SH3RF1: variants seen among roughly 807,000 people sequenced by gnomAD.
The protein encoded by SH3RF1 is SH3 domain containing ring finger 1, also known as E3 ubiquitin-protein ligase SH3RF1.
In SH3RF1, 32 loss-of-function variants were observed where a neutral mutation model predicts 74.0. That is an observed-to-expected ratio of 0.43 (90% CI 0.33 to 0.58). The LOEUF is 0.58. Ranked by LOEUF, SH3RF1 falls within the 20% of genes least tolerant of loss-of-function variation. SH3RF1 has a pLI of 0.05. For missense variants in SH3RF1, 954 were observed against 1,130.9 expected (o/e 0.84, Z 2.24); for synonymous variants, 396 against 439.6 (o/e 0.90, Z 1.24).
rs116349993 is a variant in SH3RF1 at position 169,211,727 on chromosome 4, G to A, written c.394-55048C>T. 2.5e-3 allele frequency among the ~76,000 whole-genome samples: 374 copies of A among 152,258 alleles called. 2 individuals carry two copies. Among genetic ancestry groups the A allele is most frequent in the Middle Eastern group, 6.8e-3 (2 of 294 alleles). ...CCTAGATACAGATGTGTGAATGTAT[G>A]TGTGTGGTTTATGGATGAAAATATT... is the stretch of plus-strand genomic sequence containing the variant. On this transcript the variant is annotated intron_variant, in intron 2 of 11. Coordinates refer to ENST00000284637, the MANE Select transcript of SH3RF1 (RefSeq NM_020870.4).
chr4:169,243,346 C>T (rs1349100796), intron 2 of SH3RF1, among the ~76,000 whole-genome samples: 1 of 152,136 alleles, frequency 6.6e-6, no homozygotes, highest in East Asian at 1.9e-4. Flanking sequence ...AACCTCGTCT[C>T]TACTAAAAAT....
intron 2 of SH3RF1, among the ~76,000 whole-genome samples, chr4:169,240,074 C>A (rs1293193429): frequency 2.0e-5 from 3 of 152,142 alleles, no homozygotes; most frequent in African/African-American, 7.2e-5. Flanking sequence ...AGCACAAACA[C>A]TCCAACTGCA....
chr4:169,169,603 TA>T (rs200436648), intron 2 of SH3RF1, among the ~76,000 whole-genome samples: 3 of 149,840 alleles, frequency 2.0e-5, no homozygotes, highest in African/African-American at 4.9e-5. Flanking sequence ...TTTCAAAAAA[TA>T]AAAAAAAATA....
At chr4:169,135,667 T>C (rs1389112167) in intron 5 of SH3RF1, among the ~76,000 whole-genome samples, 1 of 152,162 alleles carries the variant, frequency 6.6e-6, no homozygotes, top group Non-Finnish European at 1.5e-5. Flanking sequence ...AGTAAAGTGC[T>C]CAATAAATGT....
chr4:169,186,932 C>T (rs1399945608), intron 2 of SH3RF1, among the ~76,000 whole-genome samples: 19 of 148,912 alleles, frequency 1.3e-4, no homozygotes, highest in East Asian at 4.0e-4. Flanking sequence ...GAGAATGGTG[C>T]GAAGCCAGGA....
intron 2 of SH3RF1, among the ~76,000 whole-genome samples, chr4:169,165,099 G>A (rs1262799868): frequency 6.6e-6 from 1 of 152,170 alleles, no homozygotes; most frequent in East Asian, 1.9e-4. Flanking sequence ...AGTAACTTGA[G>A]TTACCATCTT....
chr4:169,099,325 G>A (rs191242269), intron 11 of SH3RF1, among the ~76,000 whole-genome samples: 21 of 152,318 alleles, frequency 1.4e-4, no homozygotes, highest in Admixed American at 1.2e-3. Context: ...CTTGGCTCAA[G>A]CAATCTTCCA....
chr4:169,127,301 T>G (rs1219583649), intron 6 of SH3RF1, among the ~76,000 whole-genome samples: 1 of 152,218 alleles, frequency 6.6e-6, no homozygotes, highest in East Asian at 1.9e-4. Context: ...TAATTTTCAT[T>G]TTTTATTCTA....
intron 2 of SH3RF1, among the ~76,000 whole-genome samples, chr4:169,213,483 A>G (rs1169384000): frequency 6.6e-6 from 1 of 152,150 alleles, no homozygotes; most frequent in African/African-American, 2.4e-5. Context: ...AACTTGCCTC[A>G]TATTCTCTTG....
At chr4:169,247,613 A>G (rs1178034180) in intron 2 of SH3RF1, among the ~76,000 whole-genome samples, 2 of 152,190 alleles carry the variant, frequency 1.3e-5, no homozygotes, top group African/African-American at 2.4e-5. Flanking sequence ...GAGTACAACT[A>G]TATGGGCCAG....
At chr4:169,243,940 A>G (rs1356653338) in intron 2 of SH3RF1, among the ~76,000 whole-genome samples, 1 of 152,250 alleles carries the variant, frequency 6.6e-6, no homozygotes, top group African/African-American at 2.4e-5. Context: ...ATAACTGCAA[A>G]CATGGCAAGC....
intron 2 of SH3RF1, among the ~76,000 whole-genome samples, chr4:169,169,813 G>A (rs1004270485): frequency 1.3e-5 from 2 of 151,914 alleles, no homozygotes; most frequent in African/African-American, 2.4e-5. Context: ...CTGAAGCCTC[G>A]ACCTCCTGGG....
intron 6 of SH3RF1, among the ~76,000 whole-genome samples, chr4:169,129,751 G>T (rs1018628513): frequency 2.0e-5 from 3 of 152,130 alleles, no homozygotes; most frequent in Admixed American, 1.3e-4. Context: ...AAACTCAAAA[G>T]AAATAAAGGT....
At chr4:169,265,377 G>C (rs978604696) in intron 2 of SH3RF1, among the ~76,000 whole-genome samples, 10 of 152,200 alleles carry the variant, frequency 6.6e-5, no homozygotes, top group African/African-American at 2.4e-4. Context: ...AATTTGCTGT[G>C]AAGTAGAGGC....
At chr4:169,172,591 G>C (rs1297146974) in intron 2 of SH3RF1, among the ~76,000 whole-genome samples, 1 of 152,174 alleles carries the variant, frequency 6.6e-6, no homozygotes, top group Non-Finnish European at 1.5e-5. Flanking sequence ...GATTTAAGGA[G>C]ATGTGTATGG....
chr4:169,213,975 A>C (rs934447827), intron 2 of SH3RF1, among the ~76,000 whole-genome samples: 1 of 152,096 alleles, frequency 6.6e-6, no homozygotes, highest in Non-Finnish European at 1.5e-5. Flanking sequence ...TTCTCCTTCA[A>C]TATTGTGTAG....
At chr4:169,155,189 T>C (rs1347395474) in intron 4 of SH3RF1, among the ~76,000 whole-genome samples, 1 of 152,142 alleles carries the variant, frequency 6.6e-6, no homozygotes, top group Non-Finnish European at 1.5e-5. Flanking sequence ...AGCCAGCAAA[T>C]GGAATAAACA....
chr4:169,137,578 C>T (rs931005034), intron 4 of SH3RF1, among the ~76,000 whole-genome samples: 3 of 152,070 alleles, frequency 2.0e-5, no homozygotes, highest in Non-Finnish European at 2.9e-5. Flanking sequence ...TTAAGGAAAA[C>T]AGTGATTTTT....
chr4:169,197,933 G>A (rs1276003125), intron 2 of SH3RF1, among the ~76,000 whole-genome samples: 1 of 152,130 alleles, frequency 6.6e-6, no homozygotes, highest in Non-Finnish European at 1.5e-5. Flanking sequence ...TTTCTTTGCT[G>A]TATAAGAAAA....
Sources: gnomAD v4.1 joint callset for allele counts (sites outside exome capture counted in the v4.1 genomes callset) on GRCh38, gnomAD v4.1.1 for gene constraint, MANE v1.5 for transcripts, NCBI Gene and HGNC (gene_info 2026-07-23, HGNC 2026-07-21) for gene names.